Variants in NEO1 observed in about 807,000 individuals in gnomAD.
The protein encoded by NEO1 is neogenin.
Under a neutral mutation model 159.7 loss-of-function variants are expected in NEO1, and 63 were observed. That is an observed-to-expected ratio of 0.39 (90% CI 0.32 to 0.49). The LOEUF (loss-of-function observed/expected upper bound fraction) is 0.49, where lower values mean the gene tolerates loss of function less well. Ranked by LOEUF, NEO1 falls within the 20% of genes least tolerant of loss-of-function variation. The pLI is 0.85. For missense variants in NEO1, 1,615 were observed against 1,831.0 expected, an observed-to-expected ratio of 0.88 and a Z score of 2.15; for synonymous variants, 633 against 662.0, an observed-to-expected ratio of 0.96 and a Z score of 0.67.
chr15:73,130,308 G>GCCCCCCC (rs71281951), intron 4 of NEO1, among the ~76,000 whole-genome samples: 2 of 146,152 alleles, frequency 1.4e-5, no homozygotes, highest in African/African-American at 2.5e-5. Context: ...TCAGTTTCCC[G>GCCCCCCC]CCCCCCCCGC....
intron 7 of NEO1, among the ~76,000 whole-genome samples, chr15:73,212,584 C>G (rs2037642270): frequency 6.6e-6 from 1 of 152,118 alleles, no homozygotes; most frequent in East Asian, 1.9e-4. Context: ...TTTCAGAAGA[C>G]AGTATTTGGC....
intron 11 of NEO1, among the ~76,000 whole-genome samples, chr15:73,253,011 A>G (rs2040157437): frequency 7.0e-6 from 1 of 142,642 alleles, no homozygotes; most frequent in African/African-American, 2.5e-5. Context: ...AAAACAAAAC[A>G]AAAAGATAAA....
At chr15:73,182,317 A>T (rs1030637241) in intron 7 of NEO1, among the ~76,000 whole-genome samples, 1 of 152,120 alleles carries the variant, frequency 6.6e-6, no homozygotes, top group South Asian at 2.1e-4. Flanking sequence ...CACCTTTACA[A>T]AAACAGAAAA....
intron 7 of NEO1, among the ~76,000 whole-genome samples, chr15:73,199,886 CAACCTCAA>C (rs1437352541): frequency 6.6e-6 from 1 of 152,124 alleles, no homozygotes; most frequent in Non-Finnish European, 1.5e-5. Flanking sequence ...GGGGGACCTT[CAACCTCAA>C]AACCTTTTAT....
At chr15:73,164,910 T>C (rs763266595) in intron 5 of NEO1, among the ~76,000 whole-genome samples, 1 of 152,166 alleles carries the variant, frequency 6.6e-6, no homozygotes, top group Admixed American at 6.5e-5. Context: ...AAATTAGTTA[T>C]TGGTTGACTC....
At chr15:73,264,157 A>G (rs2040775234) in intron 15 of NEO1, among the ~76,000 whole-genome samples, 1 of 152,112 alleles carries the variant, frequency 6.6e-6, no homozygotes, top group African/African-American at 2.4e-5. Flanking sequence ...ACTGTACTCC[A>G]GCTGGGTGAC....
intron 7 of NEO1, among the ~76,000 whole-genome samples, chr15:73,197,646 T>G (rs2036603101): frequency 6.6e-6 from 1 of 152,036 alleles, no homozygotes; most frequent in African/African-American, 2.4e-5. Context: ...TGCTTTCAAC[T>G]TTGTTTTGTC....
chr15:73,054,596 A>G (rs147808507), intron 1 of NEO1, among the ~76,000 whole-genome samples: 27 of 152,288 alleles, frequency 1.8e-4, no homozygotes, highest in African/African-American at 6.3e-4. Context: ...GGGTGTTAAG[A>G]GTGTCTCACA....
rs1343076333 is a variant in NEO1 at position 73,254,817 on chromosome 15, C to T, written c.2080C>T (p.Gln694Ter). 6.2e-7 allele frequency: 1 copy of T among 1,612,616 alleles called. No individual in the cohort carries two copies. The highest frequency in any genetic ancestry group is 1.3e-5 in the African/African-American group (1 of 74,974). The change falls in exon 13 of 29, where the codon CAG (glutamine) becomes TAG (stop). Residue 694 changes from glutamine (Q) to a stop codon, truncating the protein, a stop_gained. Coordinates refer to ENST00000261908, the MANE Select transcript of NEO1 (RefSeq NM_002499.4). LOFTEE classifies it high-confidence loss of function. ...CTTGGTAAGCGGGACACAGCTGTCT[C>T]AGCTGATTGAAGGTAAGCTACCGTG... ...ETLVSGTQLS[Q>*]LIEGLDRGTE...
chr15:73,183,682 TGGGAAA>T (rs891790261), intron 7 of NEO1, among the ~76,000 whole-genome samples: 4 of 152,024 alleles, frequency 2.6e-5, no homozygotes, highest in Non-Finnish European at 5.9e-5. Flanking sequence ...TTCTACTGTT[TGGGAAA>T]GGTCAAGAGC....
At chr15:73,138,486 G>A (rs2032007238) in intron 5 of NEO1, among the ~76,000 whole-genome samples, 1 of 151,746 alleles carries the variant, frequency 6.6e-6, no homozygotes, top group Non-Finnish European at 1.5e-5. Context: ...GCCGGGCGCG[G>A]TGGCTCGCGC....
At chr15:73,273,466 G>A (rs755262564) in intron 19 of NEO1, among the ~76,000 whole-genome samples, 45 of 152,130 alleles carry the variant, frequency 3.0e-4, no homozygotes, top group Non-Finnish European at 4.9e-4. Flanking sequence ...TTTTAAAACC[G>A]GCAACAGCGC....
chr15:73,294,783 G>A (rs547427027), intron 26 of NEO1, among the ~76,000 whole-genome samples: 225 of 152,074 alleles, frequency 1.5e-3, no homozygotes, highest in African/African-American at 5.1e-3. Context: ...CAAGTGATCC[G>A]CCTGCATTGG....
Position 73,116,871 on chromosome 15 carries a change from G to GT in NEO1, c.448+14_448+15insT. 3.6e-6 allele frequency: 5 copies of GT among 1,374,138 alleles called. No individual in the cohort carries two copies. The highest frequency in any genetic ancestry group is 4.7e-6 in the Non-Finnish European group (5 of 1,058,774). The allele number at this position is 1,374,138 out of a possible 1,614,324, so 85.1% of individuals were successfully genotyped here. ...TCATAGTAGCAGGTAAGTTTTAAGT[G>GT]ATTTTTTTTTTTGCATTTTCAAATA... is the stretch of plus-strand genomic sequence containing the variant. On this transcript the variant is annotated intron_variant, in intron 2 of 28. Coordinates refer to ENST00000261908, the MANE Select transcript of NEO1 (RefSeq NM_002499.4).
intron 7 of NEO1, among the ~76,000 whole-genome samples, chr15:73,194,971 A>C (rs1176078379): frequency 6.6e-6 from 1 of 152,222 alleles, no homozygotes; most frequent in African/African-American, 2.4e-5. Flanking sequence ...AGCTTTGAAG[A>C]GGTAGACATA....
In NEO1 at chr15:73,122,507, T is replaced by C. The variant is rs914702776; in HGVS notation, c.449-18T>C. On this transcript the variant is annotated intron_variant, in intron 2 of 28. Transcript: ENST00000261908. ...ATATTTAAATAAATTTTATTTCTTCTCTTCCTTTATTGTCCAGGTCTTCCA... is the reference window on the plus strand; with the variant it reads ...ATATTTAAATAAATTTTATTTCTTCCCTTCCTTTATTGTCCAGGTCTTCCA... The C allele has an allele frequency of 2.5e-6, 4 of 1,597,366 alleles. No homozygotes were observed. The highest frequency in any genetic ancestry group is 1.4e-5 in the African/African-American group (1 of 74,010).
At chr15:73,113,943 T>C (rs557945903) in intron 1 of NEO1, among the ~76,000 whole-genome samples, 3 of 152,302 alleles carry the variant, frequency 2.0e-5, no homozygotes, top group African/African-American at 7.2e-5. Context: ...ACCTATGGAA[T>C]TCTTGAAAGA....
chr15:73,089,328 A>G (rs186281365), intron 1 of NEO1, among the ~76,000 whole-genome samples: 137 of 152,290 alleles, frequency 9.0e-4, no homozygotes, highest in African/African-American at 3.1e-3. Flanking sequence ...TGTACCTGAT[A>G]AAGTATTCTA....
chr15:73,086,275 C>T (rs540679642), intron 1 of NEO1, among the ~76,000 whole-genome samples: 1 of 152,234 alleles, frequency 6.6e-6, no homozygotes, highest in African/African-American at 2.4e-5. Context: ...TGTTTGGTTC[C>T]ATTGATCTAT....
Sources: gnomAD v4.1 joint callset for allele counts (sites outside exome capture counted in the v4.1 genomes callset) on GRCh38, gnomAD v4.1.1 for gene constraint, MANE v1.5 for transcripts, NCBI Gene and HGNC (gene_info 2026-07-23, HGNC 2026-07-21) for gene names.